The following ZFHX3 variants were observed in gnomAD, a reference collection of about 807,000 sequenced individuals.
The protein encoded by ZFHX3 is zinc finger homeobox protein 3.
In ZFHX3, 42 loss-of-function variants were observed where a neutral mutation model predicts 279.1. That is an observed-to-expected ratio of 0.15 (90% CI 0.12 to 0.19). The LOEUF is 0.19. ZFHX3 is among the 10% of genes least tolerant of loss of function. The probability of loss-of-function intolerance (pLI) is 1.00; values close to 1 mark genes in which losing one functional copy is unlikely to be tolerated. For missense variants in ZFHX3, 4,981 were observed against 4,754.0 expected (o/e 1.05, Z -1.40); for synonymous variants, 2,293 against 1,957.8 (o/e 1.17, Z -4.52).
chr16:73,156,089 G>A (rs984584025), intron 5 of ZFHX3, among the ~76,000 whole-genome samples: 2 of 151,648 alleles, frequency 1.3e-5, no homozygotes, highest in East Asian at 2.0e-4. Flanking sequence ...AAAATTAGCC[G>A]GGTGTGGTGG....
chr16:73,711,508 C>G (rs1319852913), intron 1 of ZFHX3, among the ~76,000 whole-genome samples: 1 of 152,140 alleles, frequency 6.6e-6, no homozygotes, highest in Non-Finnish European at 1.5e-5. Context: ...TGGCCCGCTG[C>G]TGGCAGTTGA....
chr16:73,822,680 T>G (rs1078346), intron 1 of ZFHX3, among the ~76,000 whole-genome samples: 7,492 of 152,286 alleles, frequency 0.049, 261 homozygotes, highest in East Asian at 0.18. Context: ...GTAACTGAGT[T>G]CAATTTGAAA....
chr16:73,787,415 G>T (rs1416178767), intron 1 of ZFHX3, among the ~76,000 whole-genome samples: 2 of 152,152 alleles, frequency 1.3e-5, no homozygotes, highest in Non-Finnish European at 2.9e-5. Context: ...TCCCATTTTG[G>T]ATGACTGAAG....
intron 1 of ZFHX3, among the ~76,000 whole-genome samples, chr16:73,786,462 CTGGT>C (rs1959649946): frequency 6.6e-6 from 1 of 152,024 alleles, no homozygotes; most frequent in Admixed American, 6.5e-5. Flanking sequence ...AGGAAGGGAC[CTGGT>C]TGTTTCTTCG....
rs939426163 is a variant in ZFHX3, at chr16:72,811,589, C to T, written c.3852G>A (p.Lys1284=). ...CTGGCTGCCTTACCGTCATAATGAG[C>T]TTCTCCACGCAGTCAGGTGCCACGC... ...LHSVAPDCVE[K]LIMTVTTPEM... Residue 1284 remains lysine, a synonymous_variant, in exon 7 of 10, where the codon AAG becomes AAA. Transcript: ENST00000268489. The T allele has an allele frequency of 1.3e-5, 20 of 1,594,940 alleles. No homozygotes were observed. The highest frequency in any genetic ancestry group is 1.7e-5 in the Non-Finnish European group (20 of 1,168,262).
At chr16:73,028,997 C>T (rs575531963) in intron 1 of ZFHX3, among the ~76,000 whole-genome samples, 13 of 152,294 alleles carry the variant, frequency 8.5e-5, no homozygotes, top group African/African-American at 2.2e-4. Flanking sequence ...CAATCCCAGC[C>T]TCCTGAGGTT....
chr16:73,510,955 C>T (rs1052603768), intron 2 of ZFHX3, among the ~76,000 whole-genome samples: 6 of 152,216 alleles, frequency 3.9e-5, no homozygotes, highest in African/African-American at 1.4e-4. Context: ...TAATTATGCA[C>T]AGGCTTTGAC....
rs761842147 is a variant in ZFHX3 at position 72,959,967 on chromosome 16, C to A, written c.179G>T (p.Arg60Leu). The A allele has an allele frequency of 6.2e-7, 1 of 1,610,290 alleles. No homozygotes were observed. The change falls in exon 2 of 10, where the codon CGC (arginine) becomes CTC (leucine). Residue 60 changes from arginine to leucine, a missense_variant. Coordinates refer to ENST00000268489, the MANE Select transcript of ZFHX3 (RefSeq NM_006885.4). ...GGCCGACGCGGTGCTCTCCGCGAGG[C>A]GCTCATTGAAGGGGGCCCTCAGGCT... is the stretch of plus-strand genomic sequence containing the variant. ...LDSLRAPFNE[R>L]LAESTASAGP... is the part of the protein sequence containing the mutation.
At chr16:73,869,083 T>A (rs1283249792) in intron 1 of ZFHX3, among the ~76,000 whole-genome samples, 1 of 152,196 alleles carries the variant, frequency 6.6e-6, no homozygotes, top group Non-Finnish European at 1.5e-5. Flanking sequence ...TTTAAGAATA[T>A]GTCACATTAA....
intron 4 of ZFHX3, among the ~76,000 whole-genome samples, chr16:73,316,241 G>C (rs2015445002): frequency 6.6e-6 from 1 of 152,194 alleles, no homozygotes; most frequent in Non-Finnish European, 1.5e-5. Flanking sequence ...AGGTCATTGA[G>C]GAAAACCAAC....
chr16:72,958,171 T>A lies in ZFHX3; in HGVS notation c.1975A>T (p.Met659Leu). ...LGSSRSLGGH[M>L]TMMHSRNSCK... Reference sequence around the variant, plus strand: ...GAGTTACGAGAATGCATCATGGTCATGTGGCCGCCCAGCGAGCGGGAGGAG... The same window carrying A: ...GAGTTACGAGAATGCATCATGGTCAAGTGGCCGCCCAGCGAGCGGGAGGAG... The change falls in exon 2 of 10, where the codon ATG (methionine) becomes TTG (leucine). Residue 659 changes from methionine to leucine, a missense_variant. Met to Leu is a conservative substitution (Grantham distance 15). Coordinates refer to ENST00000268489, the MANE Select transcript of ZFHX3 (RefSeq NM_006885.4). The A allele has an allele frequency of 6.2e-7, 1 of 1,613,726 alleles. No homozygotes were observed.
intron 2 of ZFHX3, among the ~76,000 whole-genome samples, chr16:73,561,716 C>T (rs1411438177): frequency 6.6e-5 from 10 of 152,270 alleles, no homozygotes; most frequent in Admixed American, 6.5e-4. Context: ...CTTCTGATTA[C>T]AACAAAAATC....
chr16:73,711,798 T>G (rs1166948758), intron 1 of ZFHX3, among the ~76,000 whole-genome samples: 1 of 152,208 alleles, frequency 6.6e-6, no homozygotes, highest in African/African-American at 2.4e-5. Context: ...AGCTGGGCTG[T>G]TTTCCTGTTA....
At chr16:73,304,603 T>G (rs1458145633) in intron 4 of ZFHX3, among the ~76,000 whole-genome samples, 4 of 152,242 alleles carry the variant, frequency 2.6e-5, no homozygotes. Context: ...GCTGCTCTAG[T>G]GCCCACAGCA....
chr16:73,214,640 A>C (rs566321992), intron 5 of ZFHX3, among the ~76,000 whole-genome samples: 18 of 152,088 alleles, frequency 1.2e-4, no homozygotes, highest in African/African-American at 4.1e-4. Context: ...TTCACTTCCC[A>C]TGTGCTCGAG....
In ZFHX3 at chr16:72,788,250, G is replaced by T; in HGVS notation, c.10026C>A (p.Phe3342Leu). 2 of 1,614,178 alleles carry T rather than the reference G, an allele frequency of 1.2e-6. No individual in the cohort carries two copies. The highest frequency in any genetic ancestry group is 1.7e-6 in the Non-Finnish European group (2 of 1,180,030). The part of the protein sequence containing the change: ...LQPMYGMEGL[F>L]PYSPALSQAL... ...CCTGCGACAGTGCAGGGCTGTAGGGGAACAGGCCTTCCATGCCATACATAG... is the reference window on the plus strand; with the variant it reads ...CCTGCGACAGTGCAGGGCTGTAGGGTAACAGGCCTTCCATGCCATACATAG... Residue 3342 changes from phenylalanine (F) to leucine (L), a missense_variant, in exon 10 of 10, where the codon TTC (phenylalanine) becomes TTA (leucine). By Grantham distance (22) the Phe-to-Leu change is conservative. Transcript: ENST00000268489.
chr16:72,995,029 T>C (rs1015598472), intron 1 of ZFHX3, among the ~76,000 whole-genome samples: 2 of 152,184 alleles, frequency 1.3e-5, no homozygotes, highest in African/African-American at 4.8e-5. Context: ...CCCCGTAATC[T>C]GCTCCTAACG....
intron 1 of ZFHX3, among the ~76,000 whole-genome samples, chr16:73,682,704 C>G (rs190639119): frequency 5.9e-5 from 9 of 151,282 alleles, no homozygotes; most frequent in African/African-American, 2.2e-4. Context: ...GGAGAATCAC[C>G]TGAACCCAGG....
intron 3 of ZFHX3, among the ~76,000 whole-genome samples, chr16:73,416,624 A>C (rs1016489781): frequency 1.3e-5 from 2 of 152,196 alleles, no homozygotes; most frequent in Admixed American, 1.3e-4. Context: ...CTGTAATCCC[A>C]GCACTTTGGG....
Sources: gnomAD v4.1 joint callset for allele counts (sites outside exome capture counted in the v4.1 genomes callset) on GRCh38, gnomAD v4.1.1 for gene constraint, MANE v1.5 for transcripts, NCBI Gene and HGNC (gene_info 2026-07-23, HGNC 2026-07-21) for gene names.